Variants in MORC3 observed in about 807,000 individuals in gnomAD.
MORC3 encodes the protein MORC family CW-type zinc finger protein 3.
In MORC3, 31 loss-of-function variants were observed where a neutral mutation model predicts 109.1. The ratio of observed to expected loss-of-function variants is 0.28; its 90% confidence interval spans 0.21 to 0.38. The LOEUF is 0.38. Among genes scored for constraint, MORC3 ranks in the 10% least tolerant of loss-of-function variants. The pLI, the probability that MORC3 is intolerant of heterozygous loss-of-function variation, is 1.00. For synonymous variants in MORC3, 395 were observed against 380.7 expected (o/e 1.04, Z -0.44); for missense variants, 867 against 1,135.8 (o/e 0.76, Z 3.40).
intron 8 of MORC3, 43 bp from the exon 9 acceptor site, chr21:36,349,268 C>T: frequency 7.7e-7 from 1 of 1,294,672 alleles, no homozygotes; most frequent in Non-Finnish European, 1.1e-6. Flanking sequence ...TTTTGAGCAT[C>T]ATGTCTTATG....
chr21:36,352,110 G>A (rs554000547), intron 9 of MORC3, among the ~76,000 whole-genome samples: 4 of 152,312 alleles, frequency 2.6e-5, no homozygotes, highest in African/African-American at 9.6e-5. Flanking sequence ...TGGTTTTAAT[G>A]TAAGAAATGA....
At chr21:36,327,267 C>T (rs1390610242) in intron 1 of MORC3, among the ~76,000 whole-genome samples, 1 of 147,448 alleles carries the variant, frequency 6.8e-6, no homozygotes, top group East Asian at 2.1e-4. Flanking sequence ...AGCAATTCTC[C>T]TGCCACAGCC....
At position 36,333,614 on chromosome 21, in the gene MORC3, A is replaced by G. The variant is rs117921274; in HGVS notation, c.40-32A>G. 2.6e-6 allele frequency: 4 copies of G among 1,560,198 alleles called. No homozygotes were observed. The East Asian group carries it at 9.0e-5, about 35-fold the overall frequency. On this transcript the variant is annotated intron_variant, in intron 1 of 16. Coordinates refer to ENST00000400485, the MANE Select transcript of MORC3 (RefSeq NM_015358.3). ...TTTTATTTTCAAAAGTAAGACCTGA[A>G]TTAATTTACATGGACCTTTTGTTTG...
chr21:36,374,596 G>C (rs2085908140), intron 16 of MORC3, among the ~76,000 whole-genome samples: 1 of 152,106 alleles, frequency 6.6e-6, no homozygotes. Context: ...TTTGAGACCA[G>C]CCTGGGCAAT....
rs777939519 is a variant in MORC3 at position 36,321,296 on chromosome 21, C to G, written c.39+993C>G. Among the ~76,000 whole-genome samples, 4 of 152,220 alleles carry G rather than the reference C, an allele frequency of 2.6e-5. No individual in the cohort carries two copies. In the South Asian group the frequency reaches 8.3e-4, roughly 32 times the overall value. ...GTGAAATGATATTTGCTTTTACTTG[C>G]GTTTCCTTGACTGTTTGTGTTGTTG... On this transcript the variant is annotated intron_variant, in intron 1 of 16. Coordinates refer to ENST00000400485, the MANE Select transcript of MORC3 (RefSeq NM_015358.3).
At chr21:36,324,024 C>T (rs534419223) in intron 1 of MORC3, among the ~76,000 whole-genome samples, 8 of 149,528 alleles carry the variant, frequency 5.4e-5, no homozygotes, top group East Asian at 2.0e-4. Flanking sequence ...TGCAGGCATG[C>T]GCCACCACGT....
chr21:36,370,023 G>A (rs2085836813), intron 15 of MORC3, 147 bp downstream of exon 15: 3 of 850,746 alleles, frequency 3.5e-6, no homozygotes, highest in African/African-American at 1.7e-5. Context: ...TTGAGGTCAA[G>A]GAGTTCGAGA....
In MORC3 at chr21:36,320,525, T is replaced by G. The variant is rs139196910; in HGVS notation, c.39+222T>G. ...CTCTGCATTGTGTTTCTGTTTTGCTTCGGGGCGGGCCAGGGTCGCGGCTCC... is the reference window on the plus strand; with the variant it reads ...CTCTGCATTGTGTTTCTGTTTTGCTGCGGGGCGGGCCAGGGTCGCGGCTCC... On this transcript the variant is annotated intron_variant, in intron 1 of 16. Coordinates refer to ENST00000400485, the MANE Select transcript of MORC3 (RefSeq NM_015358.3). The G allele has an allele frequency of 8.8e-4, 339 of 383,276 alleles. 3 individuals carry two copies. The highest frequency in any genetic ancestry group is 7.0e-3 in the African/African-American group (329 of 47,118). The allele number at this position is 383,276 out of a possible 1,614,324, so 23.7% of individuals were successfully genotyped here.
intron 10 of MORC3, among the ~76,000 whole-genome samples, chr21:36,358,067 A>T (rs559209226): frequency 6.6e-6 from 1 of 151,956 alleles, no homozygotes; most frequent in South Asian, 2.1e-4. Context: ...ATAAATATCT[A>T]AATGCTTTTT....
chr21:36,338,976 G>T, intron 5 of MORC3, 55 bp downstream of exon 5: 1 of 1,575,264 alleles, frequency 6.3e-7, no homozygotes, highest in Non-Finnish European at 8.7e-7. Context: ...CGTGCAGGGT[G>T]GTGGTGTTAT....
rs1252281870 is a variant in MORC3 at position 36,369,797 on chromosome 21, A to G, written c.2429A>G (p.Asp810Gly). The change falls in exon 15 of 17, where the codon GAT becomes GGT. Residue 810 changes from aspartate (D) to glycine (G), a missense_variant. By Grantham distance (94) the Asp-to-Gly change is moderately conservative. Around this residue, in one of 7 missense-constraint regions of MORC3, gnomAD observed 486 missense variants for 502.1 expected, o/e 0.97. Transcript: ENST00000400485. The stretch of plus-strand genomic sequence containing the variant: ...AATAATGAGAGTAAAAGTGAAATGG[A>G]TGAGATGGCTGTGCAGCTTGACGAT... ...CSNNESKSEM[D>G]EMAVQLDDVF... 1 of 1,614,176 alleles carries G rather than the reference A, an allele frequency of 6.2e-7. No homozygotes were observed. The highest frequency in any genetic ancestry group is 2.2e-5 in the East Asian group (1 of 44,890).
At chr21:36,342,640 G>A (rs2085462067) in intron 6 of MORC3, among the ~76,000 whole-genome samples, 1 of 152,052 alleles carries the variant, frequency 6.6e-6, no homozygotes, top group Non-Finnish European at 1.5e-5. Flanking sequence ...TTGGTCTCAA[G>A]TGATCCACCT....
rs572680329 is a variant in MORC3 at position 36,358,807 on chromosome 21, A to C, written c.1209-1148A>C. Among the ~76,000 whole-genome samples, 61 of 151,828 alleles carry C rather than the reference A, an allele frequency of 4.0e-4. 1 individual carries two copies. The highest frequency in any genetic ancestry group is 2.4e-3 in the Admixed American group (36 of 15,242). ...CAATTCTCCTGCCTCAGCCTCCTGAATAGCTGGGACTACAGGAACCCGCCA... is the reference window on the plus strand; with the variant it reads ...CAATTCTCCTGCCTCAGCCTCCTGACTAGCTGGGACTACAGGAACCCGCCA... On this transcript the variant is annotated intron_variant, in intron 10 of 16. Coordinates refer to ENST00000400485, the MANE Select transcript of MORC3 (RefSeq NM_015358.3).
intron 2 of MORC3, 46 bp downstream of exon 2, chr21:36,333,764 A>AT: frequency 8.3e-7 from 1 of 1,201,456 alleles, no homozygotes; most frequent in Non-Finnish European, 1.2e-6. Flanking sequence ...TTACAATTGT[A>AT]GTGTTTTTTT....
chr21:36,323,163 A>T (rs2085211112), intron 1 of MORC3, among the ~76,000 whole-genome samples: 1 of 152,054 alleles, frequency 6.6e-6, no homozygotes, highest in Non-Finnish European at 1.5e-5. Context: ...TAATTTGGGG[A>T]CTTCCCTTTA....
intron 5 of MORC3, among the ~76,000 whole-genome samples, chr21:36,340,364 T>G (rs895621966): frequency 6.6e-6 from 1 of 152,052 alleles, no homozygotes; most frequent in Admixed American, 6.6e-5. Context: ...CAGGACACTT[T>G]AGTCATCACA....
At chr21:36,326,854 C>T (rs377316734) in intron 1 of MORC3, among the ~76,000 whole-genome samples, 12 of 149,982 alleles carry the variant, frequency 8.0e-5, no homozygotes, top group African/African-American at 2.5e-4. Context: ...CTCGCTCTGT[C>T]GCCTAGGCTG....
chr21:36,348,661 G>A (rs560730989), intron 8 of MORC3, among the ~76,000 whole-genome samples: 11 of 152,202 alleles, frequency 7.2e-5, no homozygotes, highest in African/African-American at 2.6e-4. Context: ...TGCCCACCTC[G>A]GCTTCCCAAA....
At chr21:36,345,905 A>C (rs1601523978) in intron 8 of MORC3, among the ~76,000 whole-genome samples, 1 of 150,410 alleles carries the variant, frequency 6.6e-6, no homozygotes, top group East Asian at 2.0e-4. Flanking sequence ...GCAGTGGCGC[A>C]ATTTTGGCTC....
Sources: allele counts gnomAD v4.1 joint callset (sites outside exome capture counted in the v4.1 genomes callset), GRCh38; gene constraint gnomAD v4.1.1; regional missense constraint gnomAD v4.1.1; transcripts MANE v1.5; gene names NCBI Gene and HGNC (gene_info 2026-07-23, HGNC 2026-07-21).